Variants in MAGI3 observed in about 807,000 individuals in gnomAD.
MAGI3 encodes the protein membrane-associated guanylate kinase, WW and PDZ domain-containing protein 3.
In MAGI3, 43 loss-of-function variants were observed where a neutral mutation model predicts 121.8. The observed-to-expected ratio is 0.35, with a 90% CI of 0.28 to 0.46. The LOEUF is 0.46. Ranked by LOEUF, MAGI3 falls within the 20% of genes least tolerant of loss-of-function variation. The probability of loss-of-function intolerance (pLI) is 1.00; values close to 1 mark genes in which losing one functional copy is unlikely to be tolerated. For synonymous variants in MAGI3, 553 were observed against 639.3 expected (o/e 0.86, Z 2.04); for missense variants, 1,547 against 1,797.3 (o/e 0.86, Z 2.52).
intron 16 of MAGI3, among the ~76,000 whole-genome samples, chr1:113,671,177 G>A (rs1647530612): frequency 2.0e-5 from 3 of 152,118 alleles, no homozygotes; most frequent in Admixed American, 1.3e-4. Context: ...TGAGAAAATG[G>A]AAGCAGTAGA....
Position 113,673,474 on chromosome 1 carries a change from G to T in MAGI3, c.3189+9G>T. ...AAGATGGCAGAATTCATGTGAGTTG[G>T]TTTCTGTCTGTAACCTTAGGTTCAG... On this transcript the variant is annotated intron_variant, in intron 19 of 20. Coordinates refer to ENST00000307546, the MANE Select transcript of MAGI3 (RefSeq NM_001142782.2). 6.2e-7 allele frequency: 1 copy of T among 1,611,738 alleles called. No homozygotes were observed. Among genetic ancestry groups the T allele is most frequent in the Non-Finnish European group, 8.5e-7 (1 of 1,179,578 alleles).
At chr1:113,659,294 A>C in intron 16 of MAGI3, 29 bp downstream of exon 16, 1 of 1,607,022 alleles carries the variant, frequency 6.2e-7, no homozygotes, top group Non-Finnish European at 8.5e-7. Flanking sequence ...CGCCTGCCCC[A>C]AGCTGATCTG....
At chr1:113,481,162 T>C (rs1656095065) in intron 1 of MAGI3, among the ~76,000 whole-genome samples, 1 of 152,220 alleles carries the variant, frequency 6.6e-6, no homozygotes, top group African/African-American at 2.4e-5. Flanking sequence ...CTAGTTTTCT[T>C]CAAAAATTTC....
At chr1:113,448,528 A>C (rs1039695186) in intron 1 of MAGI3, among the ~76,000 whole-genome samples, 1 of 152,228 alleles carries the variant, frequency 6.6e-6, no homozygotes, top group Non-Finnish European at 1.5e-5. Context: ...GTATTTCTGC[A>C]TTCTTGTCCT....
At chr1:113,522,718 CATACCCT>C (rs1658260809) in intron 1 of MAGI3, among the ~76,000 whole-genome samples, 1 of 152,034 alleles carries the variant, frequency 6.6e-6, no homozygotes, top group Non-Finnish European at 1.5e-5. Flanking sequence ...TAAGTATCCA[CATACCCT>C]TTGCTTGAAC....
intron 9 of MAGI3, among the ~76,000 whole-genome samples, chr1:113,626,257 G>T (rs1651234379): frequency 6.6e-6 from 1 of 152,194 alleles, no homozygotes; most frequent in African/African-American, 2.4e-5. Flanking sequence ...TTGATACCAT[G>T]TATCACACTG....
chr1:113,442,067 C>A (rs891938066), intron 1 of MAGI3, among the ~76,000 whole-genome samples: 2 of 151,978 alleles, frequency 1.3e-5, no homozygotes, highest in East Asian at 1.9e-4. Context: ...ATGTTAATGC[C>A]AGATTTTCTA....
chr1:113,683,615 C>G lies in MAGI3; in HGVS notation c.4047C>G (p.Ser1349Arg). The change falls in exon 21 of 21, where the codon AGC (serine) becomes AGG (arginine). Residue 1349 changes from serine (S) to arginine (R), a missense_variant. Coordinates refer to ENST00000307546, the MANE Select transcript of MAGI3 (RefSeq NM_001142782.2). Reference sequence around the variant, plus strand: ...CAAAGCAGAATCAGTTGGAAAAAAGCAGAACAAGGTCTCCAGAGAAAAAAA... The same window carrying G: ...CAAAGCAGAATCAGTTGGAAAAAAGGAGAACAAGGTCTCCAGAGAAAAAAA... ...KDAKQNQLEK[S>R]RTRSPEKKIK... is the part of the protein sequence containing the mutation. 6.2e-7 allele frequency: 1 copy of G among 1,613,676 alleles called. No individual in the cohort carries two copies. Among genetic ancestry groups the G allele is most frequent in the East Asian group, 2.2e-5 (1 of 44,878 alleles).
rs372847819 is a variant in MAGI3, at chr1:113,552,988, T to G, written c.433+3357T>G. On this transcript the variant is annotated intron_variant, in intron 2 of 20. Transcript: ENST00000307546. The stretch of plus-strand genomic sequence containing the variant: ...AGAAAGTATATAGTGCTTAAAACAT[T>G]ATAGAGACATATCAGAAGGACATAG... Among the ~76,000 whole-genome samples, 15 of 152,188 alleles carry G rather than the reference T, an allele frequency of 9.9e-5. No individual in the cohort carries two copies. The East Asian group carries it at 2.1e-3, about 22-fold the overall frequency.
intron 9 of MAGI3, among the ~76,000 whole-genome samples, chr1:113,632,897 T>C (rs1180557837): frequency 2.1e-5 from 3 of 140,940 alleles, no homozygotes; most frequent in Non-Finnish European, 4.9e-5. Context: ...TTTAGTTTTT[T>C]AGTTTTTTTT....
intron 1 of MAGI3, among the ~76,000 whole-genome samples, chr1:113,475,079 A>G (rs1345047899): frequency 6.6e-6 from 1 of 152,170 alleles, no homozygotes; most frequent in East Asian, 1.9e-4. Flanking sequence ...ATTTTTGCAC[A>G]TTGATTTTGT....
At chr1:113,666,703 T>C (rs530480901) in intron 16 of MAGI3, among the ~76,000 whole-genome samples, 1 of 152,350 alleles carries the variant, frequency 6.6e-6, no homozygotes, top group African/African-American at 2.4e-5. Flanking sequence ...TAATGTCGTC[T>C]AGAAACCTTT....
chr1:113,600,546 C>A (rs1174168434), intron 6 of MAGI3, among the ~76,000 whole-genome samples: 1 of 152,120 alleles, frequency 6.6e-6, no homozygotes, highest in Non-Finnish European at 1.5e-5. Context: ...AGGAGAACTA[C>A]AAACCACTGC....
chr1:113,629,601 C>T (rs1651468463), intron 9 of MAGI3, among the ~76,000 whole-genome samples: 1 of 152,068 alleles, frequency 6.6e-6, no homozygotes, highest in African/African-American at 2.4e-5. Flanking sequence ...GGACCTAGGT[C>T]CTAAACCCAA....
chr1:113,558,892 A>G (rs1298687804), intron 2 of MAGI3, among the ~76,000 whole-genome samples: 2 of 152,226 alleles, frequency 1.3e-5, no homozygotes, highest in African/African-American at 4.8e-5. Flanking sequence ...GCAAGCCAGA[A>G]GAGATTGGGG....
chr1:113,447,979 A>G (rs949690785), intron 1 of MAGI3, among the ~76,000 whole-genome samples: 4 of 152,238 alleles, frequency 2.6e-5, no homozygotes, highest in Admixed American at 2.6e-4. Context: ...CTAAATGACT[A>G]AAAATAAAAG....
chr1:113,421,880 A>G (rs763110690), intron 1 of MAGI3, among the ~76,000 whole-genome samples: 3 of 148,274 alleles, frequency 2.0e-5, no homozygotes, highest in East Asian at 2.0e-4. Context: ...TTTTCAATCT[A>G]TATGTGTTTG....
At position 113,567,003 on chromosome 1, in the gene MAGI3, TG is replaced by T. The variant is rs1660459430; in HGVS notation, c.434-13538del. Among the ~76,000 whole-genome samples, 6 of 150,662 alleles carry T rather than the reference TG, an allele frequency of 4.0e-5. 1 individual carries two copies. In the South Asian group the frequency reaches 1.3e-3, roughly 31 times the overall value. On this transcript the variant is annotated intron_variant, in intron 2 of 20. Transcript: ENST00000307546. The stretch of plus-strand genomic sequence containing the variant: ...GAAAAAAATCAACCAAACCAGGAGT[TG>T]TTTTTTTTTAAAAAGAAAATCACTA...
rs148879762 is a variant in MAGI3 at position 113,645,316 on chromosome 1, G to A, written c.1999-1170G>A. Among the ~76,000 whole-genome samples the A allele has an allele frequency of 8.9e-3, 1,350 of 152,168 alleles. 27 individuals are homozygous for A. Among genetic ancestry groups the A allele is most frequent in the African/African-American group, 0.03 (1,255 of 41,498 alleles). The stretch of plus-strand genomic sequence containing the variant: ...TGGGATTACAGGCATGAGCCACTGC[G>A]CCCGGCCAGCTTCTGCCCTTTTCAT... On this transcript the variant is annotated intron_variant, in intron 11 of 20. Coordinates refer to ENST00000307546, the MANE Select transcript of MAGI3 (RefSeq NM_001142782.2).
Sources: allele counts gnomAD v4.1 joint callset (sites outside exome capture counted in the v4.1 genomes callset), GRCh38; gene constraint gnomAD v4.1.1; transcripts MANE v1.5; gene names NCBI Gene and HGNC (gene_info 2026-07-23, HGNC 2026-07-21).